Variants in ZNF277 observed in about 807,000 individuals in gnomAD.
The protein encoded by ZNF277 is zinc finger protein 277.
A neutral mutation model predicts 60.7 loss-of-function variants in ZNF277; 55 were observed. That is an observed-to-expected ratio of 0.91 (90% CI 0.73 to 1.13). The LOEUF (loss-of-function observed/expected upper bound fraction) is 1.13. ZNF277 is among the 50% of genes most tolerant of loss of function. The probability of loss-of-function intolerance (pLI) is 0.00; values close to 1 mark genes in which losing one functional copy is unlikely to be tolerated. For synonymous variants in ZNF277, 178 were observed against 179.3 expected (o/e 0.99, Z 0.06); for missense variants, 510 against 523.0 (o/e 0.98, Z 0.24).
At chr7:112,302,053 G>A (rs976883394) in intron 4 of ZNF277, among the ~76,000 whole-genome samples, 2 of 152,042 alleles carry the variant, frequency 1.3e-5, no homozygotes, top group East Asian at 1.9e-4. Context: ...GTTCTCAGTA[G>A]CAAGACGTAA....
At chr7:112,206,927 TG>T in intron 1 of ZNF277, 120 bp downstream of exon 1, 1 of 963,900 alleles carries the variant, frequency 1.0e-6, no homozygotes, top group South Asian at 1.7e-5. Flanking sequence ...TGGGTTCGAC[TG>T]GGCCCCACGG....
chr7:112,246,625 A>G (rs1381360559), intron 1 of ZNF277, among the ~76,000 whole-genome samples: 2 of 152,128 alleles, frequency 1.3e-5, no homozygotes, highest in African/African-American at 2.4e-5. Flanking sequence ...AGGCATTGCA[A>G]ATGAGGAGGA....
intron 10 of ZNF277, among the ~76,000 whole-genome samples, 194 bp downstream of exon 10, chr7:112,340,079 T>C (rs1793413727): frequency 6.6e-6 from 1 of 152,254 alleles, no homozygotes; most frequent in Non-Finnish European, 1.5e-5. Context: ...TTTGGTTTCA[T>C]ATACTCCTTC....
chr7:112,319,065 C>G (rs968917718), intron 5 of ZNF277, among the ~76,000 whole-genome samples: 3 of 152,072 alleles, frequency 2.0e-5, no homozygotes, highest in Non-Finnish European at 4.4e-5. Flanking sequence ...GGACCTGTCA[C>G]CTTCCTAGCA....
chr7:112,326,350 C>G (rs1793092770), intron 5 of ZNF277, among the ~76,000 whole-genome samples: 1 of 151,526 alleles, frequency 6.6e-6, no homozygotes, highest in Non-Finnish European at 1.5e-5. Context: ...CTTTCTTACC[C>G]TCTGCCTGAC....
At chr7:112,301,155 T>C (rs1160676318) in intron 4 of ZNF277, among the ~76,000 whole-genome samples, 1 of 152,004 alleles carries the variant, frequency 6.6e-6, no homozygotes, top group African/African-American at 2.4e-5. Context: ...CACTGCAACC[T>C]CTGCTTCCCG....
At chr7:112,299,863 C>A (rs1792436141) in intron 4 of ZNF277, among the ~76,000 whole-genome samples, 1 of 152,154 alleles carries the variant, frequency 6.6e-6, no homozygotes, top group Non-Finnish European at 1.5e-5. Context: ...ACTTGATTTG[C>A]ATTAACGATG....
At chr7:112,306,670 C>G (rs777026194) in intron 4 of ZNF277, among the ~76,000 whole-genome samples, 4 of 152,106 alleles carry the variant, frequency 2.6e-5, no homozygotes, top group Non-Finnish European at 2.9e-5. Context: ...CATCTACCTT[C>G]TTTTCCAGCC....
intron 1 of ZNF277, among the ~76,000 whole-genome samples, chr7:112,264,062 A>G (rs1314410698): frequency 6.6e-5 from 10 of 152,110 alleles, no homozygotes; most frequent in Admixed American, 5.9e-4. Flanking sequence ...TGGCATTTCA[A>G]AGCAAAGGTT....
intron 1 of ZNF277, among the ~76,000 whole-genome samples, chr7:112,239,508 C>T (rs1177115661): frequency 6.6e-6 from 1 of 152,130 alleles, no homozygotes; most frequent in African/African-American, 2.4e-5. Context: ...CCCTTTCCCC[C>T]CAATTCCAGA....
At chr7:112,289,880 T>G (rs889411574) in intron 2 of ZNF277, among the ~76,000 whole-genome samples, 1 of 151,986 alleles carries the variant, frequency 6.6e-6, no homozygotes, top group Non-Finnish European at 1.5e-5. Flanking sequence ...CATGCACCAC[T>G]ACGCCTGGCT....
At chr7:112,255,624 A>T (rs1424917733) in intron 1 of ZNF277, among the ~76,000 whole-genome samples, 1 of 152,200 alleles carries the variant, frequency 6.6e-6, no homozygotes, top group Non-Finnish European at 1.5e-5. Context: ...AATCAGTAAC[A>T]ATACAGTAAT....
At chr7:112,309,268 A>G (rs561296634) in intron 4 of ZNF277, among the ~76,000 whole-genome samples, 1 of 152,144 alleles carries the variant, frequency 6.6e-6, no homozygotes, top group South Asian at 2.1e-4. Flanking sequence ...GAGAGTCTAT[A>G]AAAGCAACAT....
chr7:112,321,171 T>A (rs1219942884), intron 5 of ZNF277, among the ~76,000 whole-genome samples: 1 of 151,974 alleles, frequency 6.6e-6, no homozygotes, highest in Non-Finnish European at 1.5e-5. Context: ...TCCCCCCGCC[T>A]CAGCCTCCCA....
intron 1 of ZNF277, among the ~76,000 whole-genome samples, chr7:112,284,729 A>G (rs1011334370): frequency 6.6e-6 from 1 of 152,198 alleles, no homozygotes; most frequent in African/African-American, 2.4e-5. Flanking sequence ...AAAAATAAAC[A>G]GTTTGATTTA....
intron 5 of ZNF277, among the ~76,000 whole-genome samples, chr7:112,326,882 G>T (rs1346927249): frequency 6.6e-6 from 1 of 152,106 alleles, no homozygotes; most frequent in African/African-American, 2.4e-5. Flanking sequence ...TGTGATAAAA[G>T]CTCTGTAGAA....
intron 4 of ZNF277, among the ~76,000 whole-genome samples, chr7:112,296,931 T>TTTTTA (rs1792365533): frequency 1.2e-5 from 1 of 84,072 alleles, no homozygotes; most frequent in Non-Finnish European, 2.6e-5. Context: ...TTTTTTTTTT[T>TTTTTA]TTTTTTTTTT....
intron 5 of ZNF277, among the ~76,000 whole-genome samples, chr7:112,318,534 G>A (rs1792896438): frequency 6.6e-6 from 1 of 152,046 alleles, no homozygotes; most frequent in African/African-American, 2.4e-5. Context: ...TGACCTGCAA[G>A]ACCATATGCA....
chr7:112,316,556 T>C (rs1405398572), intron 4 of ZNF277, among the ~76,000 whole-genome samples: 1 of 152,156 alleles, frequency 6.6e-6, no homozygotes, highest in Non-Finnish European at 1.5e-5. Context: ...GCAGAAGCTT[T>C]CTAGTTTAAT....
Sources: allele counts gnomAD v4.1 joint callset (sites outside exome capture counted in the v4.1 genomes callset), GRCh38; gene constraint gnomAD v4.1.1; transcripts MANE v1.5; gene names NCBI Gene and HGNC (gene_info 2026-07-23, HGNC 2026-07-21).